PSTPIP1: variants seen among roughly 807,000 people sequenced by gnomAD.
The protein encoded by PSTPIP1 is proline-serine-threonine phosphatase interacting protein 1, also known as proline-serine-threonine phosphatase-interacting protein 1.
A neutral mutation model predicts 69.6 loss-of-function variants in PSTPIP1; 66 were observed. That is an observed-to-expected ratio of 0.95 (90% CI 0.78 to 1.16). The LOEUF (loss-of-function observed/expected upper bound fraction) is 1.16. Among genes scored for constraint, PSTPIP1 ranks in the 50% most tolerant of loss-of-function variants. The pLI is 0.00. For synonymous variants in PSTPIP1, 266 were observed against 222.7 expected, an observed-to-expected ratio of 1.19 and a Z score of -1.73; for missense variants, 603 against 557.4, an observed-to-expected ratio of 1.08 and a Z score of -0.82.
intron 1 of PSTPIP1, among the ~76,000 whole-genome samples, chr15:76,996,474 C>T (rs897707361): frequency 3.9e-5 from 6 of 152,180 alleles, no homozygotes; most frequent in Admixed American, 3.3e-4. Context: ...GTGGCTGTCC[C>T]GGGGTGCTGC....
At position 77,027,531 on chromosome 15, in the gene PSTPIP1, C is replaced by G. The variant is rs2076307456; in HGVS notation, c.355-321C>G. 2.0e-5 allele frequency among the ~76,000 whole-genome samples: 3 copies of G among 152,168 alleles called. No individual in the cohort carries two copies. In the South Asian group the frequency reaches 6.2e-4, roughly 32 times the overall value. On this transcript the variant is annotated intron_variant, in intron 5 of 14. Transcript: ENST00000558012. This position sits in a 1 kb window ranked among gnomAD's most constrained non-coding sequence, Gnocchi z 4.3. ...CACACACGTGTGAGCGACTGTGATG[C>G]CTGCAGAGGCTCAGGGATGCAGGAT...
Position 77,035,797 on chromosome 15 carries a change from C to A in PSTPIP1, c.986-5C>A. 6.2e-7 allele frequency: 1 copy of A among 1,605,310 alleles called. No homozygotes were observed. The highest frequency in any genetic ancestry group is 1.8e-4 in the Middle Eastern group (1 of 5,468). ...GGAGGGGTCTATGTCTCACCCTGCT[C>A]TTAGCGTCCACAGAGACCCTGACCC... On this transcript the variant is annotated splice_polypyrimidine_tract_variant and splice_region_variant and intron_variant, in intron 13 of 14. Transcript: ENST00000558012.
Position 77,032,731 on chromosome 15 carries a change from C to A in PSTPIP1, c.839-131C>A, listed in dbSNP as rs2076451253. ...CCTACGGTGGGGTCTCTCATGGGAG[C>A]AAGACAGGCACCTCCTCAGGCACCA... On this transcript the variant is annotated intron_variant, in intron 11 of 14. Transcript: ENST00000558012. 4.0e-6 allele frequency: 3 copies of A among 758,606 alleles called. No homozygotes were observed. The South Asian group carries it at 5.4e-5, about 14-fold the overall frequency. 47.0% of individuals were successfully genotyped at this position (758,606 alleles called of 1,614,324 possible).
intron 12 of PSTPIP1, 147 bp from the exon 13 acceptor site, chr15:77,035,361 A>T (rs2076533599): frequency 2.4e-6 from 2 of 830,856 alleles, no homozygotes; most frequent in Non-Finnish European, 3.8e-6. Flanking sequence ...CACCTCATAA[A>T]TGACATCCAT....
rs2152691716 is a variant in PSTPIP1 at position 77,035,537 on chromosome 15, A to C, written c.959A>C (p.Lys320Thr). The C allele has an allele frequency of 6.3e-7, 1 of 1,592,226 alleles. No homozygotes were observed. The highest frequency in any genetic ancestry group is 1.3e-5 in the African/African-American group (1 of 74,482). The change falls in exon 13 of 15, where the codon AAG becomes ACG. Residue 320 changes from lysine (K) to threonine (T), a missense_variant. Physicochemically the swap from Lys to Thr is moderately conservative, Grantham distance 78 (BLOSUM62 -1). Transcript: ENST00000558012. ...RFSGLLHGSP[K>T]TTSLAASAAS... ...TCTGGACTGCTGCACGGAAGTCCCA[A>C]GACCACTTCGTTGGCAGCTTCTGCT... is the stretch of plus-strand genomic sequence containing the variant.
intron 13 of PSTPIP1, 63 bp downstream of exon 13, chr15:77,035,626 A>G: frequency 6.6e-7 from 1 of 1,521,760 alleles, no homozygotes; most frequent in Non-Finnish European, 8.9e-7. Context: ...GAGGTCTCCC[A>G]CATGGCACAG....
Position 77,027,674 on chromosome 15 carries a change from C to T in PSTPIP1, c.355-178C>T. 5 of 720,950 alleles carry T rather than the reference C, an allele frequency of 6.9e-6. No homozygotes were observed. Among genetic ancestry groups the T allele is most frequent in the South Asian group, 3.0e-5 (2 of 67,016 alleles). 44.7% of individuals were successfully genotyped at this position (720,950 alleles called of 1,614,324 possible). Reference sequence around the variant, plus strand: ...CCCATGCCCTGTGATTCTCTGTGGCCTTCCATTGTGAGGGTCACTGTGAAG... The same window carrying T: ...CCCATGCCCTGTGATTCTCTGTGGCTTTCCATTGTGAGGGTCACTGTGAAG... On this transcript the variant is annotated intron_variant, in intron 5 of 14. Transcript: ENST00000558012. The surrounding 1 kb of genome is among the most constrained non-coding windows in gnomAD (Gnocchi z 4.3).
rs560033500 is a variant in PSTPIP1, at chr15:77,000,873, T to G, written c.36+5264T>G. ...CTTTTTTTTTCTAGTATTTTAAATT[T>G]TATTTTAAATTGTAGCGAAATACAC... On this transcript the variant is annotated intron_variant, in intron 1 of 14. Transcript: ENST00000558012. Among the ~76,000 whole-genome samples the G allele has an allele frequency of 3.3e-5, 5 of 152,260 alleles. No homozygotes were observed. The South Asian group carries it at 8.3e-4, about 25-fold the overall frequency.
Position 77,029,761 on chromosome 15 carries a change from G to A in PSTPIP1, c.562+187G>A, listed in dbSNP as rs904200828. Among the ~76,000 whole-genome samples, 3 of 152,158 alleles carry A rather than the reference G, an allele frequency of 2.0e-5. No individual in the cohort carries two copies. In the South Asian group the frequency reaches 6.2e-4, roughly 31 times the overall value. ...CCCCCATTCGCCAGCCCTTCTTGGC[G>A]CTTCATGTGTTCAGTCCTCACAGCT... is the stretch of plus-strand genomic sequence containing the variant. On this transcript the variant is annotated intron_variant, in intron 8 of 14. Transcript: ENST00000558012.
chr15:77,018,966 C>T (rs2076109274), intron 3 of PSTPIP1, among the ~76,000 whole-genome samples: 1 of 152,140 alleles, frequency 6.6e-6, no homozygotes, highest in Non-Finnish European at 1.5e-5. Context: ...AGCTCCTCAC[C>T]CCCCAGCTGT....
chr15:77,037,219 C>A lies in PSTPIP1; in HGVS notation c.*43C>A. The A allele has an allele frequency of 3.9e-6, 6 of 1,557,792 alleles. No homozygotes were observed. The highest frequency in any genetic ancestry group is 5.2e-6 in the Non-Finnish European group (6 of 1,152,828). On this transcript the variant is annotated 3_prime_UTR_variant, in exon 15 of 15. Transcript: ENST00000558012. ...CTTCGGACCTGCCCTGCCAGTGGAGCCAGCAGTGCCCCCAGCACTGTCCCC... is the reference window on the plus strand; with the variant it reads ...CTTCGGACCTGCCCTGCCAGTGGAGACAGCAGTGCCCCCAGCACTGTCCCC...
Position 77,025,493 on chromosome 15 carries a change from C to A in PSTPIP1, c.248-5C>A. On this transcript the variant is annotated splice_region_variant and splice_polypyrimidine_tract_variant and intron_variant, in intron 4 of 14. Coordinates refer to ENST00000558012, the MANE Select transcript of PSTPIP1 (RefSeq NM_003978.5). The stretch of plus-strand genomic sequence containing the variant: ...TGGGGACCAGTATCCATGCTCTGCC[C>A]CCAGAAATGGAGAATGTGGGCAGCT... 6.4e-7 allele frequency: 1 copy of A among 1,563,690 alleles called. No individual in the cohort carries two copies. Among genetic ancestry groups the A allele is most frequent in the East Asian group, 2.4e-5 (1 of 41,782 alleles).
chr15:77,033,849 G>A (rs1489589757), intron 12 of PSTPIP1, among the ~76,000 whole-genome samples: 1 of 152,002 alleles, frequency 6.6e-6, no homozygotes, highest in African/African-American at 2.4e-5. Flanking sequence ...TGAGAATCTT[G>A]TGCAAGCAGT....
In PSTPIP1 at chr15:77,037,174, T is replaced by C. The variant is rs988264559; in HGVS notation, c.1249T>C (p.Ter417ArgextTer26). ...CCCTGGTTCCTACCTGGAGAAGCTT[T>C]GAGGAAGGGCCAGGAGCCCCTTCGG... ...FVPGSYLEKL[*>R] Residue 417 changes from the stop codon to arginine (R), a stop_lost, in exon 15 of 15, where the codon TGA becomes CGA. Coordinates refer to ENST00000558012, the MANE Select transcript of PSTPIP1 (RefSeq NM_003978.5). 1 of 1,603,526 alleles carries C rather than the reference T, an allele frequency of 6.2e-7. No individual in the cohort carries two copies. The highest frequency in any genetic ancestry group is 1.3e-5 in the African/African-American group (1 of 74,632).
chr15:77,030,853 C>A (rs1414218410), intron 9 of PSTPIP1, among the ~76,000 whole-genome samples: 1 of 152,228 alleles, frequency 6.6e-6, no homozygotes, highest in East Asian at 1.9e-4. Flanking sequence ...AACCCACAGC[C>A]TCTCTGGGTG....
At position 77,032,414 on chromosome 15, in the gene PSTPIP1, C is replaced by G. The variant is rs2076442586; in HGVS notation, c.838+20C>G. 1 of 1,611,436 alleles carries G rather than the reference C, an allele frequency of 6.2e-7. No homozygotes were observed. The highest frequency in any genetic ancestry group is 8.5e-7 in the Non-Finnish European group (1 of 1,178,916). On this transcript the variant is annotated intron_variant, in intron 11 of 14. Coordinates refer to ENST00000558012, the MANE Select transcript of PSTPIP1 (RefSeq NM_003978.5). ...CCCCCGGTGAGGTCCGGCTTGCGGA[C>G]AGCGCAGCCTCTAGGTGCATTGAGC...
chr15:77,004,424 G>A (rs951010366), intron 1 of PSTPIP1, among the ~76,000 whole-genome samples: 1 of 152,218 alleles, frequency 6.6e-6, no homozygotes, highest in Non-Finnish European at 1.5e-5. Flanking sequence ...GGAACTCAGG[G>A]CTTCCCAGCT....
At chr15:77,001,535 T>G (rs1053606776) in intron 1 of PSTPIP1, among the ~76,000 whole-genome samples, 2 of 152,184 alleles carry the variant, frequency 1.3e-5, no homozygotes, top group African/African-American at 4.8e-5. Flanking sequence ...CCTGGTGCAC[T>G]CAGAGCTTGC....
At chr15:77,006,308 T>C (rs1463865122) in intron 1 of PSTPIP1, among the ~76,000 whole-genome samples, 2 of 152,204 alleles carry the variant, frequency 1.3e-5, no homozygotes, top group Non-Finnish European at 2.9e-5. Flanking sequence ...CACTTTTGAA[T>C]TGGTTGTCTT....
Sources: allele counts gnomAD v4.1 joint callset (sites outside exome capture counted in the v4.1 genomes callset), GRCh38; gene constraint gnomAD v4.1.1; non-coding constraint Gnocchi (gnomAD v3.1); transcripts MANE v1.5; gene names NCBI Gene and HGNC (gene_info 2026-07-23, HGNC 2026-07-21).